The following DOCK3 variants were observed in gnomAD, a reference collection of about 807,000 sequenced individuals.
The protein encoded by DOCK3 is dedicator of cytokinesis 3.
Under a neutral mutation model 265.6 loss-of-function variants are expected in DOCK3, and 60 were observed. The observed-to-expected ratio is 0.23, with a 90% CI of 0.18 to 0.28. The LOEUF (loss-of-function observed/expected upper bound fraction) is 0.28, where lower values mean the gene tolerates loss of function less well. Among genes scored for constraint, DOCK3 ranks in the 10% least tolerant of loss-of-function variants. The pLI is 1.00. For missense variants in DOCK3, 1,981 were observed against 2,594.3 expected (o/e 0.76, Z 5.14); for synonymous variants, 881 against 938.0 (o/e 0.94, Z 1.11).
intron 4 of DOCK3, among the ~76,000 whole-genome samples, chr3:50,919,443 G>C (rs974259776): frequency 1.3e-5 from 2 of 152,108 alleles, no homozygotes; most frequent in Admixed American, 1.3e-4. Context: ...GCAGTGGTTT[G>C]TAGTTCTCTT....
At chr3:51,250,389 C>T (rs372520795) in intron 22 of DOCK3, among the ~76,000 whole-genome samples, 41 of 152,226 alleles carry the variant, frequency 2.7e-4, no homozygotes, top group Admixed American at 1.3e-3. Flanking sequence ...GAGGCCAAGG[C>T]GGGCGGATCA....
Position 51,357,152 on chromosome 3 carries a change from G to T in DOCK3, c.4683+11G>T. 3 of 1,610,172 alleles carry T rather than the reference G, an allele frequency of 1.9e-6. No homozygotes were observed. The highest frequency in any genetic ancestry group is 2.5e-6 in the Non-Finnish European group (3 of 1,178,838). ...GCACGCTATCAGGAGGTAAGCTGTG[G>T]CCACAGGCCAAACCCATGCAGCCAG... On this transcript the variant is annotated intron_variant, in intron 44 of 52. Coordinates refer to ENST00000266037, the MANE Select transcript of DOCK3 (RefSeq NM_004947.5).
At chr3:51,193,801 C>CG (rs1553786280) in intron 12 of DOCK3, among the ~76,000 whole-genome samples, 5 of 126,680 alleles carry the variant, frequency 3.9e-5, no homozygotes, top group African/African-American at 1.5e-4. Context: ...GGGCTTCTCT[C>CG]TTTTTTTTTT....
At chr3:50,881,505 C>T (rs2048021024) in intron 3 of DOCK3, among the ~76,000 whole-genome samples, 1 of 152,156 alleles carries the variant, frequency 6.6e-6, no homozygotes, top group Non-Finnish European at 1.5e-5. Flanking sequence ...TGAGTGAACT[C>T]CCATTCACAA....
chr3:50,958,169 C>T (rs1487466485), intron 5 of DOCK3, among the ~76,000 whole-genome samples: 1 of 152,186 alleles, frequency 6.6e-6, no homozygotes, highest in Non-Finnish European at 1.5e-5. Flanking sequence ...TTCCTCCAAA[C>T]TATTTCATGT....
At chr3:51,330,085 C>A (rs2109950224) in intron 32 of DOCK3, 53 bp from the exon 33 acceptor site, 2 of 1,533,282 alleles carry the variant, frequency 1.3e-6, no homozygotes, top group South Asian at 2.4e-5. Flanking sequence ...ACTGGATTTC[C>A]CATTCTTTTT....
chr3:51,327,823 G>A (rs940091664), intron 32 of DOCK3, among the ~76,000 whole-genome samples: 1 of 151,974 alleles, frequency 6.6e-6, no homozygotes. Flanking sequence ...GGGACTATAG[G>A]CAGGTGCTAC....
intron 5 of DOCK3, among the ~76,000 whole-genome samples, chr3:50,944,932 C>T (rs1429920436): frequency 6.6e-6 from 1 of 152,168 alleles, no homozygotes; most frequent in African/African-American, 2.4e-5. Context: ...CACACTCCTG[C>T]CTGGGCAACA....
chr3:50,857,875 C>T (rs2046684912), intron 3 of DOCK3, among the ~76,000 whole-genome samples: 1 of 152,208 alleles, frequency 6.6e-6, no homozygotes, highest in African/African-American at 2.4e-5. Context: ...TGTGGTGATT[C>T]TTCAAGGATC....
chr3:51,176,546 A>C (rs1384690447), intron 12 of DOCK3, among the ~76,000 whole-genome samples: 2 of 152,218 alleles, frequency 1.3e-5, no homozygotes, highest in African/African-American at 4.8e-5. Context: ...GAATGGCATG[A>C]ACTCAGGAGG....
intron 35 of DOCK3, among the ~76,000 whole-genome samples, chr3:51,337,060 G>A (rs1030075423): frequency 1.3e-5 from 2 of 152,132 alleles, no homozygotes; most frequent in South Asian, 2.1e-4. Context: ...TCTGCAGAGG[G>A]ATGTTCAGGA....
chr3:51,068,156 A>G (rs1340937532), intron 6 of DOCK3, among the ~76,000 whole-genome samples: 3 of 152,232 alleles, frequency 2.0e-5, no homozygotes, highest in Non-Finnish European at 1.5e-5. Context: ...TTCAGAAACT[A>G]GTAATTGTTA....
At chr3:51,254,882 A>T (rs981010832) in intron 22 of DOCK3, among the ~76,000 whole-genome samples, 3 of 152,104 alleles carry the variant, frequency 2.0e-5, no homozygotes, top group South Asian at 4.1e-4. Context: ...AGGTTAATAT[A>T]GTTATATGTG....
intron 1 of DOCK3, among the ~76,000 whole-genome samples, chr3:50,703,556 G>T (rs1182247526): frequency 2.0e-5 from 3 of 148,398 alleles, no homozygotes; most frequent in African/African-American, 7.9e-5. Flanking sequence ...TTCAGTCTTG[G>T]TGGGTTTTAT....
intron 9 of DOCK3, among the ~76,000 whole-genome samples, chr3:51,101,063 C>A (rs1415023723): frequency 6.6e-6 from 1 of 151,646 alleles, no homozygotes; most frequent in Non-Finnish European, 1.5e-5. Context: ...CCTCTGCCTC[C>A]CAAAATGCTG....
chr3:51,015,908 G>C lies in DOCK3; in HGVS notation c.316-48540G>C, dbSNP rs868077016. On this transcript the variant is annotated intron_variant, in intron 5 of 52. Coordinates refer to ENST00000266037, the MANE Select transcript of DOCK3 (RefSeq NM_004947.5). Reference sequence around the variant, plus strand: ...TATATATGATATATATCATATATATGATATATATATCATATATTTCTATAT... The same window carrying C: ...TATATATGATATATATCATATATATCATATATATATCATATATTTCTATAT... Among the ~76,000 whole-genome samples the C allele has an allele frequency of 5.2e-3, 11 of 2,118 alleles. 5 individuals are homozygous for C. The highest frequency in any genetic ancestry group is 0.039 in the African/African-American group (11 of 280). The allele number at this position is 2,118 out of a possible 152,430, so 1.4% of individuals were successfully genotyped here.
intron 14 of DOCK3, 112 bp from the exon 15 acceptor site, chr3:51,225,537 C>T (rs1162406137): frequency 4.1e-6 from 6 of 1,467,726 alleles, no homozygotes; most frequent in Admixed American, 2.4e-5. Flanking sequence ...GCTTGGAATG[C>T]CCTGAACACC....
intron 5 of DOCK3, among the ~76,000 whole-genome samples, chr3:51,008,390 A>G (rs944309617): frequency 7.2e-5 from 11 of 152,180 alleles, no homozygotes; most frequent in Admixed American, 2.6e-4. Context: ...CTTTGAAGCA[A>G]TTGTGAATGG....
intron 23 of DOCK3, among the ~76,000 whole-genome samples, chr3:51,268,941 T>C (rs188467918): frequency 7.0e-4 from 107 of 152,200 alleles, no homozygotes; most frequent in African/African-American, 2.4e-3. Flanking sequence ...GCAGATATGC[T>C]TTCTGGGAAC....
Sources: gnomAD v4.1 joint callset for allele counts (sites outside exome capture counted in the v4.1 genomes callset) on GRCh38, gnomAD v4.1.1 for gene constraint, MANE v1.5 for transcripts, NCBI Gene and HGNC (gene_info 2026-07-23, HGNC 2026-07-21) for gene names.